ABCB4: variants seen among roughly 807,000 people sequenced by gnomAD.
The protein encoded by ABCB4 is phosphatidylcholine translocator ABCB4.
In ABCB4, 76 loss-of-function variants were observed where a neutral mutation model predicts 145.7. That is an observed-to-expected ratio of 0.52 (90% CI 0.43 to 0.63). ABCB4 has a LOEUF of 0.63. Among genes scored for constraint, ABCB4 ranks in the 30% least tolerant of loss-of-function variants. The pLI, the probability that ABCB4 is intolerant of heterozygous loss-of-function variation, is 0.00. For synonymous variants in ABCB4, 517 were observed against 566.8 expected, an observed-to-expected ratio of 0.91 and a Z score of 1.25; for missense variants, 1,234 against 1,553.1, an observed-to-expected ratio of 0.79 and a Z score of 3.45.
At chr7:87,462,098 A>G (rs553087529) in intron 4 of ABCB4, among the ~76,000 whole-genome samples, 1 of 152,324 alleles carries the variant, frequency 6.6e-6, no homozygotes, top group East Asian at 1.9e-4. Context: ...CGTTACTATG[A>G]AAATAACCAT....
chr7:87,457,722 G>A (rs1812192970), intron 4 of ABCB4, among the ~76,000 whole-genome samples: 1 of 152,186 alleles, frequency 6.6e-6, no homozygotes, highest in African/African-American at 2.4e-5. Context: ...AGAACAGTAA[G>A]GATTATAGAG....
At chr7:87,474,717 C>T (rs1385921020) in intron 2 of ABCB4, among the ~76,000 whole-genome samples, 1 of 152,106 alleles carries the variant, frequency 6.6e-6, no homozygotes, top group Non-Finnish European at 1.5e-5. Flanking sequence ...GAACTTCTGC[C>T]CCGCTCATAA....
intron 18 of ABCB4, among the ~76,000 whole-genome samples, chr7:87,420,640 A>G (rs7779492): frequency 0.024 from 3,692 of 152,282 alleles, 121 homozygotes; most frequent in African/African-American, 0.067. Flanking sequence ...CTATATTCAC[A>G]TTGATTTTAC....
intron 4 of ABCB4, among the ~76,000 whole-genome samples, chr7:87,462,463 C>T (rs1303122671): frequency 2.6e-5 from 4 of 152,194 alleles, no homozygotes; most frequent in African/African-American, 7.2e-5. Context: ...TAGAGATACT[C>T]TCATTACATT....
At chr7:87,390,472 C>G in the ABCB4 span, among the ~76,000 whole-genome samples, 3 of 152,044 alleles carry the variant, frequency 2.0e-5, no homozygotes, top group Non-Finnish European at 2.9e-5. Flanking sequence ...AAATATTATT[C>G]ACACTTTCTC....
chr7:87,418,110 C>T (rs1809123104), intron 20 of ABCB4, among the ~76,000 whole-genome samples: 1 of 152,248 alleles, frequency 6.6e-6, no homozygotes. Context: ...GTAGGCCACT[C>T]AGAACACCAC....
intron 12 of ABCB4, among the ~76,000 whole-genome samples, chr7:87,442,581 A>T (rs1811057909): frequency 6.6e-6 from 1 of 152,074 alleles, no homozygotes; most frequent in Admixed American, 6.6e-5. Context: ...AATCTAAGAG[A>T]ATGTCCTTTT....
intron 3 of ABCB4, among the ~76,000 whole-genome samples, chr7:87,465,000 T>C (rs940721824): frequency 6.6e-6 from 1 of 152,184 alleles, no homozygotes; most frequent in Non-Finnish European, 1.5e-5. Flanking sequence ...CCCAGGTTCA[T>C]CTCACTGCGG....
chr7:87,465,781 G>A (rs993031641), intron 3 of ABCB4, among the ~76,000 whole-genome samples: 1 of 152,164 alleles, frequency 6.6e-6, no homozygotes, highest in African/African-American at 2.4e-5. Flanking sequence ...CTGATACCCA[G>A]GAAAACAGGG....
rs766402494 is a variant in ABCB4 at position 87,406,393 on chromosome 7, G to A, written c.3381C>T (p.Ala1127=). ...TGTTGTCTCCATAGGCAATATTCTC[G>A]GCAATGCTGCAGTCAAATAGGATAG... ...QEPILFDCSI[A]ENIAYGDNSR... The change falls in exon 26 of 28, where the codon GCC becomes GCT. Residue 1127 remains alanine (A), a synonymous_variant. Transcript: ENST00000649586. 27 of 1,613,728 alleles carry A rather than the reference G, an allele frequency of 1.7e-5. No homozygotes were observed. The highest frequency in any genetic ancestry group is 8.0e-5 in the African/African-American group (6 of 74,822).
At chr7:87,432,366 A>G (rs1810300900) in intron 14 of ABCB4, among the ~76,000 whole-genome samples, 1 of 152,226 alleles carries the variant, frequency 6.6e-6, no homozygotes, top group African/African-American at 2.4e-5. Context: ...CAATCAAACC[A>G]CATCATTAGG....
intron 21 of ABCB4, among the ~76,000 whole-genome samples, chr7:87,415,853 G>A (rs536674420): frequency 5.9e-5 from 9 of 152,286 alleles, no homozygotes; most frequent in African/African-American, 2.2e-4. Context: ...CATGTAACTT[G>A]TCTAAGAAAA....
At chr7:87,417,649 C>A in intron 20 of ABCB4, 134 bp from the exon 21 acceptor site, 1 of 743,802 alleles carries the variant, frequency 1.3e-6, no homozygotes, top group Non-Finnish European at 2.4e-6. Context: ...TACAATAAAC[C>A]CACAACACCT....
upstream of ABCB4, chr7:87,475,742 C>A (rs1409065122): frequency 4.9e-5 from 18 of 366,354 alleles, no homozygotes; most frequent in Non-Finnish European, 6.8e-5. Flanking sequence ...CCCCGCCCCC[C>A]ACGCGCGTCC....
intron 3 of ABCB4, among the ~76,000 whole-genome samples, chr7:87,470,592 A>G (rs1342991331): frequency 1.3e-5 from 2 of 152,248 alleles, no homozygotes; most frequent in Non-Finnish European, 2.9e-5. Context: ...GAAGACATTT[A>G]TGCAGCCAAT....
chr7:87,433,669 G>A (rs984615719), intron 14 of ABCB4, among the ~76,000 whole-genome samples: 1 of 124,052 alleles, frequency 8.1e-6, no homozygotes, highest in African/African-American at 3.9e-5. Context: ...ACAAAAAATT[G>A]TTGTTGTTTT....
chr7:87,386,893 A>G, the ABCB4 span, among the ~76,000 whole-genome samples: 1 of 152,072 alleles, frequency 6.6e-6, no homozygotes, highest in Non-Finnish European at 1.5e-5. Flanking sequence ...ATAGGCAAAG[A>G]TGCTTCCCTT....
chr7:87,425,406 C>T (rs1394576989), intron 16 of ABCB4, among the ~76,000 whole-genome samples: 1 of 152,086 alleles, frequency 6.6e-6, no homozygotes, highest in African/African-American at 2.4e-5. Context: ...AATGACGCTC[C>T]AAAATGGTAC....
At chr7:87,431,899 T>C (rs1275563747) in intron 14 of ABCB4, among the ~76,000 whole-genome samples, 1 of 152,322 alleles carries the variant, frequency 6.6e-6, no homozygotes, top group Admixed American at 6.5e-5. Context: ...CTCTAAGTTA[T>C]ATGGAATGCT....
Sources: gnomAD v4.1 joint callset for allele counts (sites outside exome capture counted in the v4.1 genomes callset) on GRCh38, gnomAD v4.1.1 for gene constraint, MANE v1.5 for transcripts, NCBI Gene and HGNC (gene_info 2026-07-23, HGNC 2026-07-21) for gene names.